The following TCF4 variants were observed in gnomAD, a reference collection of about 807,000 sequenced individuals.
TCF4 encodes transcription factor 4.
TCF4 carries 3 observed loss-of-function variants against 82.1 expected under a neutral mutation model. The ratio of observed to expected loss-of-function variants is 0.04; its 90% CI spans 0.02 to 0.09. The LOEUF is 0.09. Ranked by LOEUF, TCF4 falls within the 10% of genes least tolerant of loss-of-function variation. The pLI is 1.00. For missense variants in TCF4, 518 were observed against 852.7 expected (o/e 0.61, Z 4.89); for synonymous variants, 276 against 309.6 (o/e 0.89, Z 1.14).
At chr18:55,500,517 C>T (rs539247183) in intron 3 of TCF4, among the ~76,000 whole-genome samples, 49 of 152,272 alleles carry the variant, frequency 3.2e-4, no homozygotes, top group Middle Eastern at 3.4e-3. Context: ...CCTGTTTATA[C>T]GACTATTTAA....
At chr18:55,362,393 A>AGAAGGAAGGAAGGAAGGAAGGAAGGAAG in intron 6 of TCF4, among the ~76,000 whole-genome samples, 1 of 43,476 alleles carries the variant, frequency 2.3e-5, no homozygotes, top group African/African-American at 9.5e-5. Context: ...AAGGAAGGAA[A>AGAAGGAAGGAAGGAAGGAAGGAAGGAAG]GAAGGAAGGA....
intron 3 of TCF4, among the ~76,000 whole-genome samples, chr18:55,583,064 G>C (rs1455447431): frequency 6.6e-6 from 1 of 152,028 alleles, no homozygotes; most frequent in Admixed American, 6.6e-5. Flanking sequence ...GAGGAAAACT[G>C]AACACTCCAA....
chr18:55,362,952 TA>T (rs1316881405), intron 6 of TCF4, among the ~76,000 whole-genome samples: 24 of 152,232 alleles, frequency 1.6e-4, no homozygotes, highest in African/African-American at 5.5e-4. Context: ...TATCAATTTT[TA>T]AAAGAAAATC....
At chr18:55,463,710 T>C (rs1194596657) in intron 4 of TCF4, among the ~76,000 whole-genome samples, 2 of 152,132 alleles carry the variant, frequency 1.3e-5, no homozygotes, top group African/African-American at 2.4e-5. Context: ...TTTTTTTAAG[T>C]TTTTCCATCT....
chr18:55,577,244 G>GTATATACATATTTATACATATATGTGTA (rs1321320624), intron 3 of TCF4, among the ~76,000 whole-genome samples: 2 of 141,548 alleles, frequency 1.4e-5, no homozygotes, highest in Non-Finnish European at 1.5e-5. Flanking sequence ...ATTTATATAT[G>GTATATACATATTTATACATATATGTGTA]TATATACATA....
At chr18:55,270,709 T>C (rs2060170664) in intron 10 of TCF4, among the ~76,000 whole-genome samples, 1 of 152,136 alleles carries the variant, frequency 6.6e-6, no homozygotes, top group South Asian at 2.1e-4. Flanking sequence ...TTAATTATTA[T>C]ATTAGTTTTC....
In TCF4 at chr18:55,433,856, T is replaced by G. The variant is rs200248056; in HGVS notation, c.304+27163A>C. Among the ~76,000 whole-genome samples, 14 of 152,216 alleles carry G rather than the reference T, an allele frequency of 9.2e-5. No individual in the cohort carries two copies. The East Asian group carries it at 2.7e-3, about 30-fold the overall frequency. The stretch of plus-strand genomic sequence containing the variant: ...CTCTGCACCTTTCTCCCTGCTTGTG[T>G]CCCTTATGTGCCCAATCATCCATGC... On this transcript the variant is annotated intron_variant, in intron 5 of 19. Transcript: ENST00000354452.
intron 8 of TCF4, among the ~76,000 whole-genome samples, chr18:55,297,170 T>TTTTTTA (rs1555836667): frequency 1.0e-5 from 1 of 97,982 alleles, no homozygotes; most frequent in Non-Finnish European, 2.0e-5. Context: ...TTTTTTTTTT[T>TTTTTTA]ATCCCTTAGG....
At chr18:55,604,313 G>A (rs2097700229) in intron 2 of TCF4, among the ~76,000 whole-genome samples, 1 of 151,924 alleles carries the variant, frequency 6.6e-6, no homozygotes, top group East Asian at 1.9e-4. Flanking sequence ...GCTCCATTGT[G>A]TGTCAAGGAC....
intron 15 of TCF4, among the ~76,000 whole-genome samples, chr18:55,253,719 C>T (rs1261093): frequency 0.54 from 81,774 of 151,874 alleles, 23,057 homozygotes; most frequent in African/African-American, 0.72. Flanking sequence ...TACAAATAAA[C>T]ATACCATATA....
intron 8 of TCF4, among the ~76,000 whole-genome samples, chr18:55,317,035 G>A (rs1387008676): frequency 1.3e-5 from 2 of 152,014 alleles, no homozygotes; most frequent in African/African-American, 4.8e-5. Context: ...TCAGAGGCAG[G>A]AAGGCAAGAT....
chr18:55,434,295 AT>A (rs1237922852), intron 5 of TCF4, among the ~76,000 whole-genome samples: 1 of 151,890 alleles, frequency 6.6e-6, no homozygotes, highest in African/African-American at 2.4e-5. Flanking sequence ...ACTATGTAGA[AT>A]TTTTTTGTTT....
intron 3 of TCF4, among the ~76,000 whole-genome samples, chr18:55,531,902 A>T (rs1049889436): frequency 6.6e-6 from 1 of 152,216 alleles, no homozygotes; most frequent in Non-Finnish European, 1.5e-5. Context: ...GGTGAATATA[A>T]TCTGGCATAT....
intron 2 of TCF4, among the ~76,000 whole-genome samples, chr18:55,602,857 C>T (rs1284490760): frequency 1.3e-5 from 2 of 152,142 alleles, no homozygotes; most frequent in African/African-American, 2.4e-5. Flanking sequence ...AAAGATTTTC[C>T]AGAATCACTA....
chr18:55,378,288 A>C (rs955791030), intron 6 of TCF4, among the ~76,000 whole-genome samples: 1 of 152,234 alleles, frequency 6.6e-6, no homozygotes, highest in African/African-American at 2.4e-5. Flanking sequence ...CCATCAGTTT[A>C]AAAATAATAT....
At chr18:55,344,710 G>A (rs975960019) in intron 8 of TCF4, among the ~76,000 whole-genome samples, 7 of 152,068 alleles carry the variant, frequency 4.6e-5, no homozygotes, top group Non-Finnish European at 8.8e-5. Flanking sequence ...TGGAGAGTAG[G>A]AAGATACATC....
intron 2 of TCF4, among the ~76,000 whole-genome samples, chr18:55,620,526 G>A (rs1027124648): frequency 2.0e-5 from 3 of 152,114 alleles, no homozygotes; most frequent in African/African-American, 4.8e-5. Flanking sequence ...GTGTTCCTCA[G>A]TACTTTGCTA....
chr18:55,586,456 G>C (rs1431016452), intron 2 of TCF4, among the ~76,000 whole-genome samples: 1 of 152,176 alleles, frequency 6.6e-6, no homozygotes, highest in Non-Finnish European at 1.5e-5. Context: ...GCTTTGTGCT[G>C]ATCCTACGAC....
At position 55,514,098 on chromosome 18, in the gene TCF4, T is replaced by A. The variant is rs564888761; in HGVS notation, c.146-49961A>T. Reference sequence around the variant, plus strand: ...TGACATGTATTCCTCTTCTGAAAGATCAAAGATCATTCTTCAAAAGCCAGG... The same window carrying A: ...TGACATGTATTCCTCTTCTGAAAGAACAAAGATCATTCTTCAAAAGCCAGG... On this transcript the variant is annotated intron_variant, in intron 3 of 19. Transcript: ENST00000354452. Among the ~76,000 whole-genome samples, 83 of 152,318 alleles carry A rather than the reference T, an allele frequency of 5.4e-4. 1 individual carries two copies. The highest frequency in any genetic ancestry group is 1.9e-3 in the African/African-American group (79 of 41,584).
Sources: gnomAD v4.1 joint callset for allele counts (sites outside exome capture counted in the v4.1 genomes callset) on GRCh38, gnomAD v4.1.1 for gene constraint, MANE v1.5 for transcripts, NCBI Gene and HGNC (gene_info 2026-07-23, HGNC 2026-07-21) for gene names.